CHMP4C: variants seen among roughly 807,000 people sequenced by gnomAD.
The protein encoded by CHMP4C is SNF7 homolog associated with Alix 3.
Under a neutral mutation model 29.0 loss-of-function variants are expected in CHMP4C, and 28 were observed. The ratio of observed to expected loss-of-function variants is 0.97; its 90% CI spans 0.72 to 1.32. The LOEUF is 1.32. CHMP4C is among the 40% of genes most tolerant of loss of function. The pLI is 0.00. For missense variants in CHMP4C, 291 were observed against 281.0 expected, an observed-to-expected ratio of 1.04 and a Z score of -0.25; for synonymous variants, 106 against 102.4, an observed-to-expected ratio of 1.04 and a Z score of -0.21.
At chr8:81,752,858 A>G (rs1019994937) in intron 1 of CHMP4C, among the ~76,000 whole-genome samples, 12 of 152,198 alleles carry the variant, frequency 7.9e-5, no homozygotes, top group Admixed American at 6.6e-4. Context: ...TCTTTGGAAG[A>G]AAAGAATAAT....
chr8:81,756,787 G>A (rs1808978223), intron 3 of CHMP4C, among the ~76,000 whole-genome samples: 1 of 152,102 alleles, frequency 6.6e-6, no homozygotes, highest in Non-Finnish European at 1.5e-5. Context: ...ATTCGGCATA[G>A]GATAGCTTGT....
chr8:81,736,893 G>T (rs1808698960), intron 1 of CHMP4C, among the ~76,000 whole-genome samples: 1 of 152,202 alleles, frequency 6.6e-6, no homozygotes, highest in South Asian at 2.1e-4. Flanking sequence ...TCATAGTACA[G>T]GGGTAGCTAC....
Position 81,758,735 on chromosome 8 carries a change from C to A in CHMP4C, c.*191C>A, listed in dbSNP as rs537864142. ...CATAGAATCAGTGATGGAGGCCAGG[C>A]ACGGTATCTCATGCCTATAATCCCA... On this transcript the variant is annotated 3_prime_UTR_variant, in exon 5 of 5. Coordinates refer to ENST00000297265, the MANE Select transcript of CHMP4C (RefSeq NM_152284.4). 2.1e-5 allele frequency: 12 copies of A among 566,702 alleles called. No individual in the cohort carries two copies. In the African/African-American group the frequency reaches 2.3e-4, roughly 11 times the overall value. The allele number at this position is 566,702 out of a possible 1,614,324, so 35.1% of individuals were successfully genotyped here. A position where few individuals can be genotyped will look rare whatever the true frequency, so the allele number is the denominator to read the frequency against.
chr8:81,752,754 T>A (rs531556930), intron 1 of CHMP4C, among the ~76,000 whole-genome samples: 4 of 152,334 alleles, frequency 2.6e-5, no homozygotes, highest in African/African-American at 9.6e-5. Context: ...TATTTTTATC[T>A]ATCCTTTTCT....
chr8:81,734,109 A>G (rs74964716), intron 1 of CHMP4C, among the ~76,000 whole-genome samples: 6,635 of 152,250 alleles, frequency 0.044, 166 homozygotes, highest in South Asian at 0.084. Flanking sequence ...TTTGTGTCTG[A>G]AAATATTCTG....
chr8:81,734,209 C>T (rs1808655014), intron 1 of CHMP4C, among the ~76,000 whole-genome samples: 1 of 152,210 alleles, frequency 6.6e-6, no homozygotes, highest in Non-Finnish European at 1.5e-5. Context: ...TTGGCCCTTC[C>T]TCTTCAGTTT....
chr8:81,739,872 A>G (rs1585941657), intron 1 of CHMP4C, among the ~76,000 whole-genome samples: 1 of 152,116 alleles, frequency 6.6e-6, no homozygotes, highest in Admixed American at 6.5e-5. Flanking sequence ...TTCCCATTGG[A>G]TGTGGAAAGA....
Position 81,755,258 on chromosome 8 carries a change from T to G in CHMP4C, c.369-112T>G, listed in dbSNP as rs959725145. ...ATATCATCAGGAATATTTATCCTACTCAAATAACTAAGAATTTATATTAAA... is the reference window on the plus strand; with the variant it reads ...ATATCATCAGGAATATTTATCCTACGCAAATAACTAAGAATTTATATTAAA... On this transcript the variant is annotated intron_variant, in intron 2 of 4. Transcript: ENST00000297265. 3 of 483,984 alleles carry G rather than the reference T, an allele frequency of 6.2e-6. 1 individual carries two copies. Among genetic ancestry groups the G allele is most frequent in the Non-Finnish European group, 1.1e-5 (3 of 275,866 alleles). 30.0% of individuals were successfully genotyped at this position (483,984 alleles called of 1,614,324 possible).
chr8:81,745,411 GCTGA>G (rs1808810075), intron 1 of CHMP4C, among the ~76,000 whole-genome samples: 1 of 152,152 alleles, frequency 6.6e-6, no homozygotes, highest in African/African-American at 2.4e-5. Flanking sequence ...CTTCCTGTGT[GCTGA>G]CTAATGGATT....
At chr8:81,733,320 T>G (rs1808643902) in intron 1 of CHMP4C, among the ~76,000 whole-genome samples, 1 of 152,208 alleles carries the variant, frequency 6.6e-6, no homozygotes, top group African/African-American at 2.4e-5. Context: ...CGCACCCCTG[T>G]AAATTTTGCT....
chr8:81,746,889 T>C (rs956957894), intron 1 of CHMP4C, among the ~76,000 whole-genome samples: 1 of 152,218 alleles, frequency 6.6e-6, no homozygotes, highest in Non-Finnish European at 1.5e-5. Context: ...ATGATGATGA[T>C]AAAGATCCCT....
Position 81,732,528 on chromosome 8 carries a change from G to A in CHMP4C, c.-99G>A. 2 of 833,956 alleles carry A rather than the reference G, an allele frequency of 2.4e-6. No individual in the cohort carries two copies. The highest frequency in any genetic ancestry group is 3.7e-6 in the Non-Finnish European group (2 of 541,658). The allele number at this position is 833,956 out of a possible 1,614,324, so 51.7% of individuals were successfully genotyped here. ...CAGGAGGGCCGCCTTTCCGGTCTGG[G>A]TCCCCGAGAGGACTGCCTTGCTCAC... is the stretch of plus-strand genomic sequence containing the variant. On this transcript the variant is annotated 5_prime_UTR_variant, in exon 1 of 5. Transcript: ENST00000297265.
chr8:81,747,116 C>T (rs1808835022), intron 1 of CHMP4C, among the ~76,000 whole-genome samples: 1 of 152,092 alleles, frequency 6.6e-6, no homozygotes, highest in Non-Finnish European at 1.5e-5. Context: ...TACTGTTGTT[C>T]TTGTCATGCA....
At chr8:81,755,272 A>T in intron 2 of CHMP4C, 98 bp from the exon 3 acceptor site, 2 of 524,036 alleles carry the variant, frequency 3.8e-6, no homozygotes, top group African/African-American at 1.9e-5. Context: ...ATAACTAAGA[A>T]TTTATATTAA....
At chr8:81,733,163 G>A (rs1476819131) in intron 1 of CHMP4C, among the ~76,000 whole-genome samples, 3 of 151,954 alleles carry the variant, frequency 2.0e-5, no homozygotes, top group African/African-American at 7.3e-5. Flanking sequence ...TTTGCCTCTA[G>A]CTCTTATGTT....
At chr8:81,748,304 T>C (rs572205376) in intron 1 of CHMP4C, among the ~76,000 whole-genome samples, 13 of 152,126 alleles carry the variant, frequency 8.5e-5, no homozygotes, top group Non-Finnish European at 1.0e-4. Context: ...TTAACGCAAA[T>C]ATCACATAGT....
At chr8:81,757,723 G>A (rs929357673) in intron 3 of CHMP4C, among the ~76,000 whole-genome samples, 1 of 152,150 alleles carries the variant, frequency 6.6e-6, no homozygotes, top group Non-Finnish European at 1.5e-5. Flanking sequence ...TGTACGTTAT[G>A]GTTTTGCTAT....
intron 3 of CHMP4C, among the ~76,000 whole-genome samples, chr8:81,755,881 C>G (rs1046443845): frequency 6.6e-6 from 1 of 152,156 alleles, no homozygotes; most frequent in African/African-American, 2.4e-5. Flanking sequence ...TAGGCTGCCT[C>G]TGTTTATTAC....
intron 2 of CHMP4C, among the ~76,000 whole-genome samples, chr8:81,754,748 G>C (rs907688461): frequency 6.6e-6 from 1 of 152,168 alleles, no homozygotes; most frequent in Non-Finnish European, 1.5e-5. Flanking sequence ...CAAAGTGGCT[G>C]TCCATCCTGA....
Sources: allele counts gnomAD v4.1 joint callset (sites outside exome capture counted in the v4.1 genomes callset), GRCh38; gene constraint gnomAD v4.1.1; transcripts MANE v1.5; gene names NCBI Gene and HGNC (gene_info 2026-07-23, HGNC 2026-07-21).